CCK: variants seen among roughly 807,000 people sequenced by gnomAD.
CCK encodes the protein cholecystokinin triacontatriapeptide.
In CCK, 11 loss-of-function variants were observed where a neutral mutation model predicts 10.1. The ratio of observed to expected loss-of-function variants is 1.09; its 90% CI spans 0.69 to 1.81. The LOEUF is 1.81. CCK is among the 40% of genes most tolerant of loss of function. The pLI is 0.00. For synonymous variants in CCK, 83 were observed against 71.9 expected (o/e 1.15, Z -0.78); for missense variants, 137 against 159.9 (o/e 0.86, Z 0.77).
At chr3:42,263,691 C>G in intron 3 of CCK, 59 bp from the exon 4 acceptor site, 1 of 1,458,478 alleles carries the variant, frequency 6.9e-7, no homozygotes, top group Admixed American at 2.7e-5. Context: ...AGAGCTCCTG[C>G]GGCGGGCCGG....
intron 4 of CCK, chr3:42,262,859 A>G (rs1188262264): frequency 1.8e-5 from 3 of 167,838 alleles, no homozygotes; most frequent in Non-Finnish European, 3.9e-5. Context: ...TGCAACAGTA[A>G]AGTAAAAACA....
intron 4 of CCK, among the ~76,000 whole-genome samples, chr3:42,258,698 A>C (rs1004557333): frequency 6.6e-6 from 1 of 152,158 alleles, no homozygotes. Context: ...TCTTGTTATT[A>C]AGGTGGCACA....
intron 4 of CCK, among the ~76,000 whole-genome samples, chr3:42,260,508 C>A (rs1019422036): frequency 6.6e-6 from 1 of 152,188 alleles, no homozygotes. Context: ...CTGACTTCCC[C>A]GTTCCACGTA....
intron 3 of CCK, 31 bp from the exon 4 acceptor site, chr3:42,263,663 A>T: frequency 1.3e-6 from 2 of 1,493,202 alleles, no homozygotes; most frequent in Non-Finnish European, 1.8e-6. Flanking sequence ...GGGCGCGTTA[A>T]CTGAAAGGCT....
At position 42,263,586 on chromosome 3, in the gene CCK, C is replaced by G. The variant is rs774209373; in HGVS notation, c.45G>C (p.Ala15=). The G allele has an allele frequency of 6.2e-7, 1 of 1,607,228 alleles. No individual in the cohort carries two copies. The change falls in exon 4 of 5, where the codon GCG becomes GCC. Residue 15 remains alanine (A), a synonymous_variant. Coordinates refer to ENST00000396169, the MANE Select transcript of CCK (RefSeq NM_000729.6). ...VCLCVLMAVL[A]AGALTQPVPP... ...GCACCGGCTGCGTCAGGGCGCCAGC[C>G]GCCAGTACCGCCATCAGCACGCACA...
At chr3:42,259,350 T>TA (rs1446542736) in intron 4 of CCK, among the ~76,000 whole-genome samples, 1 of 152,094 alleles carries the variant, frequency 6.6e-6, no homozygotes, top group African/African-American at 2.4e-5. Flanking sequence ...TAAAGTATAA[T>TA]AAAAAATAGA....
intron 4 of CCK, 51 bp downstream of exon 4, chr3:42,263,366 G>A (rs1389022587): frequency 6.2e-7 from 1 of 1,613,702 alleles, no homozygotes; most frequent in Non-Finnish European, 8.5e-7. Context: ...GTCAGCATCG[G>A]GAGCCTGGGA....
intron 4 of CCK, among the ~76,000 whole-genome samples, chr3:42,261,051 T>C (rs1227492675): frequency 6.6e-6 from 1 of 152,094 alleles, no homozygotes; most frequent in Non-Finnish European, 1.5e-5. Context: ...AAAGACAATA[T>C]AGATGTAGCA....
At chr3:42,258,322 A>T in intron 4 of CCK, 91 bp from the exon 5 acceptor site, 2 of 1,399,492 alleles carry the variant, frequency 1.4e-6, no homozygotes, top group Non-Finnish European at 2.0e-6. Context: ...AAAAAGCCAG[A>T]CGCAATATAA....
chr3:42,264,310 A>G (rs1347400956), intron 3 of CCK, among the ~76,000 whole-genome samples: 1 of 152,216 alleles, frequency 6.6e-6, no homozygotes, highest in South Asian at 2.1e-4. Flanking sequence ...TCAAGTTTCT[A>G]TCCGTAAAGC....
chr3:42,262,901 G>A (rs1455217003), intron 4 of CCK: 1 of 179,596 alleles, frequency 5.6e-6, no homozygotes, highest in African/African-American at 2.4e-5. Context: ...TAATTTGTAA[G>A]TCATTGCAAG....
Position 42,263,469 on chromosome 3 carries a change from G to A in CCK, c.162C>T (p.Ser54=). 6.2e-7 allele frequency: 1 copy of A among 1,614,172 alleles called. No homozygotes were observed. The highest frequency in any genetic ancestry group is 8.5e-7 in the Non-Finnish European group (1 of 1,180,028). ...CCAGCAGGGCGCCCAGGTGCGCTCG[G>A]GACTCGCCATCCGTTCTCTGCGATA... ...LRVSQRTDGE[S]RAHLGALLAR... Residue 54 remains serine (S), a synonymous_variant, in exon 4 of 5, where the codon TCC becomes TCT. Coordinates refer to ENST00000396169, the MANE Select transcript of CCK (RefSeq NM_000729.6).
At chr3:42,263,814 C>T (rs930178227) in intron 3 of CCK, 182 bp from the exon 4 acceptor site, 10 of 1,049,118 alleles carry the variant, frequency 9.5e-6, no homozygotes, top group African/African-American at 5.0e-5. Context: ...CGCGCGCCCC[C>T]GGGCGCACCT....
At chr3:42,263,365 G>T (rs1304819430) in intron 4 of CCK, 52 bp downstream of exon 4, 1 of 1,613,688 alleles carries the variant, frequency 6.2e-7, no homozygotes, top group Admixed American at 1.7e-5. Context: ...GGTCAGCATC[G>T]GGAGCCTGGG....
intron 4 of CCK, among the ~76,000 whole-genome samples, chr3:42,261,316 T>A (rs11129949): frequency 1.1e-4 from 17 of 152,164 alleles, no homozygotes; most frequent in Non-Finnish European, 2.2e-4. Context: ...TAAAATATTC[T>A]ATATACTGCA....
intron 4 of CCK, among the ~76,000 whole-genome samples, chr3:42,260,515 C>T (rs975362516): frequency 3.3e-5 from 5 of 152,222 alleles, no homozygotes; most frequent in African/African-American, 7.2e-5. Context: ...CCCCGTTCCA[C>T]GTACAGTTCT....
Position 42,264,836 on chromosome 3 carries a change from A to G in CCK, c.-142T>C, listed in dbSNP as rs1711264425. The G allele has an allele frequency of 1.3e-5, 2 of 152,350 alleles. No individual in the cohort carries two copies. The highest frequency in any genetic ancestry group is 2.4e-5 in the African/African-American group (1 of 41,536). The allele number at this position is 152,350 out of a possible 1,614,324, so 9.4% of individuals were successfully genotyped here. On this transcript the variant is annotated 5_prime_UTR_variant, in exon 3 of 5. Coordinates refer to ENST00000396169, the MANE Select transcript of CCK (RefSeq NM_000729.6). ...CGTCGGCCAGTCATGTATTTACCCA[A>G]CGCTGACGCAGACTGGCAGTAACAC... is the stretch of plus-strand genomic sequence containing the variant.
chr3:42,265,284 C>T lies in CCK; in HGVS notation c.-229G>A, dbSNP rs1004736090. On this transcript the variant is annotated 5_prime_UTR_variant, in exon 2 of 5. Transcript: ENST00000396169. Reference sequence around the variant, plus strand: ...GTCTTCATACCTGTGTCGGCTCTTTCGAAGGAGAGAGGAGGAGTCGGGGTC... The same window carrying T: ...GTCTTCATACCTGTGTCGGCTCTTTTGAAGGAGAGAGGAGGAGTCGGGGTC... 2 of 152,240 alleles carry T rather than the reference C, an allele frequency of 1.3e-5. No individual in the cohort carries two copies. Among genetic ancestry groups the T allele is most frequent in the African/African-American group, 4.8e-5 (2 of 41,436 alleles). The allele number at this position is 152,240 out of a possible 1,614,324, so 9.4% of individuals were successfully genotyped here. A position where few individuals can be genotyped will look rare whatever the true frequency, so the allele number is the denominator to read the frequency against.
chr3:42,262,369 T>C (rs1384581541), intron 4 of CCK, among the ~76,000 whole-genome samples: 1 of 152,040 alleles, frequency 6.6e-6, no homozygotes, highest in East Asian at 1.9e-4. Context: ...TACAAGCATG[T>C]GCCACCATGC....
Sources: gnomAD v4.1 joint callset for allele counts (sites outside exome capture counted in the v4.1 genomes callset) on GRCh38, gnomAD v4.1.1 for gene constraint, MANE v1.5 for transcripts, NCBI Gene and HGNC (gene_info 2026-07-23, HGNC 2026-07-21) for gene names.